Variants in FSTL4 observed in about 807,000 individuals in gnomAD.
FSTL4 encodes the protein follistatin-related protein 4.
FSTL4 carries 28 observed loss-of-function variants against 78.2 expected under a neutral mutation model. That is an observed-to-expected ratio of 0.36 (90% CI 0.27 to 0.49). FSTL4 has a LOEUF of 0.49. FSTL4 is among the 20% of genes least tolerant of loss of function. The pLI is 0.98. For missense variants in FSTL4, 922 were observed against 1,084.9 expected (o/e 0.85, Z 2.11); for synonymous variants, 422 against 440.5 (o/e 0.96, Z 0.53).
chr5:133,690,213 C>T, the FSTL4 span, among the ~76,000 whole-genome samples: 14 of 152,110 alleles, frequency 9.2e-5, no homozygotes, highest in African/African-American at 3.4e-4. Context: ...TAAAATGACC[C>T]CCTCCTCCCA....
the FSTL4 span, among the ~76,000 whole-genome samples, chr5:133,677,066 C>G: frequency 1.3e-5 from 2 of 152,216 alleles, no homozygotes; most frequent in South Asian, 2.1e-4. Context: ...TTAGTACATT[C>G]GTGCTCACAC....
At chr5:133,602,180 TAC>T (rs796501435) in intron 2 of FSTL4, among the ~76,000 whole-genome samples, 2 of 152,294 alleles carry the variant, frequency 1.3e-5, no homozygotes, top group South Asian at 2.1e-4. Flanking sequence ...GTGCAGAATC[TAC>T]ACAGTCATCA....
intron 4 of FSTL4, among the ~76,000 whole-genome samples, chr5:133,383,210 A>G (rs968508738): frequency 4.6e-5 from 7 of 152,118 alleles, no homozygotes; most frequent in Non-Finnish European, 1.0e-4. Context: ...GCCATTCCAG[A>G]GCCCAGACCC....
intron 7 of FSTL4, chr5:133,244,402 G>T (rs1027307428): frequency 6.6e-6 from 1 of 152,332 alleles, no homozygotes; most frequent in African/African-American, 2.4e-5. Flanking sequence ...CAAGGACTGA[G>T]GTGAGTGGGG....
Position 133,236,326 on chromosome 5 carries a change from C to T in FSTL4, c.895-2789G>A, listed in dbSNP as rs182473230. ...GGCCACTGTTCCCAGATATCAACCT[C>T]AGGTTGATACCCATTAATACCAACA... On this transcript the variant is annotated intron_variant, in intron 7 of 15. Coordinates refer to ENST00000265342, the MANE Select transcript of FSTL4 (RefSeq NM_015082.2). This position sits in a 1 kb window ranked among gnomAD's most constrained non-coding sequence, Gnocchi z 5.0. Among the ~76,000 whole-genome samples, 10 of 152,226 alleles carry T rather than the reference C, an allele frequency of 6.6e-5. No homozygotes were observed. Among genetic ancestry groups the T allele is most frequent in the African/African-American group, 2.4e-4 (10 of 41,538 alleles).
At chr5:133,334,975 T>A (rs1393509281) in intron 4 of FSTL4, among the ~76,000 whole-genome samples, 1 of 152,290 alleles carries the variant, frequency 6.6e-6, no homozygotes, top group Admixed American at 6.5e-5. Flanking sequence ...CGTCCTGGCC[T>A]CACCCAATAC....
At chr5:133,273,384 C>T (rs1212897851) in intron 6 of FSTL4, among the ~76,000 whole-genome samples, 1 of 152,222 alleles carries the variant, frequency 6.6e-6, no homozygotes, top group African/African-American at 2.4e-5. Context: ...GCTCAGCAGC[C>T]ACACATACCT....
At chr5:133,312,970 A>G (rs1753822560) in intron 5 of FSTL4, among the ~76,000 whole-genome samples, 193 bp from the exon 6 acceptor site, 1 of 152,170 alleles carries the variant, frequency 6.6e-6, no homozygotes, top group Non-Finnish European at 1.5e-5. Flanking sequence ...AGAGAGGGGA[A>G]GTGGCTTCCC....
At chr5:133,456,071 C>T (rs1757481813) in intron 3 of FSTL4, among the ~76,000 whole-genome samples, 1 of 152,230 alleles carries the variant, frequency 6.6e-6, no homozygotes, top group Non-Finnish European at 1.5e-5. Context: ...AGTAAGTTAG[C>T]AATGCAGGTA....
chr5:133,617,562 GTCT>G, the FSTL4 span, among the ~76,000 whole-genome samples: 1 of 152,174 alleles, frequency 6.6e-6, no homozygotes, highest in Non-Finnish European at 1.5e-5. Context: ...AGTGCCCCAA[GTCT>G]TCTTTGAAGA....
chr5:133,781,673 T>C, the FSTL4 span, among the ~76,000 whole-genome samples: 123 of 152,306 alleles, frequency 8.1e-4, no homozygotes, highest in African/African-American at 2.8e-3. Flanking sequence ...ACACTGTGTG[T>C]ACCCTGCTCA....
intron 3 of FSTL4, among the ~76,000 whole-genome samples, chr5:133,462,162 G>A (rs1757606393): frequency 6.6e-6 from 1 of 152,240 alleles, no homozygotes; most frequent in Admixed American, 6.5e-5. Flanking sequence ...ACTGAGGCAA[G>A]AGAGCCACGA....
intron 4 of FSTL4, among the ~76,000 whole-genome samples, chr5:133,327,407 T>TGGGAAACAC: frequency 6.6e-6 from 1 of 152,354 alleles, no homozygotes; most frequent in African/African-American, 2.4e-5. Context: ...AACACAGTTT[T>TGGGAAACAC]AGCAAACATG....
chr5:133,808,163 C>A, the FSTL4 span, among the ~76,000 whole-genome samples: 3 of 152,324 alleles, frequency 2.0e-5, no homozygotes, highest in South Asian at 6.2e-4. Flanking sequence ...TATTTTTCCC[C>A]AGAATTTAAA....
intron 3 of FSTL4, among the ~76,000 whole-genome samples, chr5:133,559,330 A>T (rs1759864604): frequency 1.3e-5 from 2 of 152,242 alleles, no homozygotes; most frequent in African/African-American, 4.8e-5. Flanking sequence ...AAAAGCAAAG[A>T]AATGCCTCTG....
intron 8 of FSTL4, among the ~76,000 whole-genome samples, chr5:133,228,301 C>T (rs1751394312): frequency 6.6e-6 from 1 of 152,118 alleles, no homozygotes; most frequent in Non-Finnish European, 1.5e-5. Flanking sequence ...ATATTTAAAA[C>T]AACTGTAAAG....
chr5:133,367,421 T>C (rs749077549), intron 4 of FSTL4, among the ~76,000 whole-genome samples: 3 of 152,230 alleles, frequency 2.0e-5, no homozygotes, highest in Non-Finnish European at 4.4e-5. Flanking sequence ...AAAACAGCCA[T>C]ATGGCAATGC....
intron 6 of FSTL4, chr5:133,275,978 T>C (rs1041732302): frequency 7.9e-5 from 12 of 152,236 alleles, no homozygotes; most frequent in Admixed American, 3.9e-4. Context: ...TTGAAGTTTA[T>C]TGGTTTTGCA....
chr5:133,753,222 C>T, the FSTL4 span, among the ~76,000 whole-genome samples: 1 of 152,240 alleles, frequency 6.6e-6, no homozygotes, highest in Non-Finnish European at 1.5e-5. Flanking sequence ...CCTCTGCTCC[C>T]TGCTCTGCAT....
Sources: allele counts gnomAD v4.1 joint callset (sites outside exome capture counted in the v4.1 genomes callset), GRCh38; gene constraint gnomAD v4.1.1; non-coding constraint Gnocchi (gnomAD v3.1); transcripts MANE v1.5; gene names NCBI Gene and HGNC (gene_info 2026-07-23, HGNC 2026-07-21).